Variants in CDH23 observed in about 807,000 individuals in gnomAD.
CDH23 encodes cadherin related 23, also known as cadherin-23.
A neutral mutation model predicts 317.1 loss-of-function variants in CDH23; 189 were observed. The observed-to-expected ratio is 0.60, with a 90% CI of 0.53 to 0.67. CDH23 has a LOEUF of 0.67. Ranked by LOEUF, CDH23 falls within the 30% of genes least tolerant of loss-of-function variation. The pLI, the probability that CDH23 is intolerant of heterozygous loss-of-function variation, is 0.00. For missense variants in CDH23, 4,401 were observed against 4,592.4 expected (o/e 0.96, Z 1.20); for synonymous variants, 1,839 against 1,876.8 (o/e 0.98, Z 0.52).
chr10:71,455,681 G>A (rs986721963), intron 3 of CDH23, among the ~76,000 whole-genome samples: 2 of 152,160 alleles, frequency 1.3e-5, no homozygotes, highest in Admixed American at 1.3e-4. Flanking sequence ...ATTGTAACAG[G>A]TGCTAAGGAA....
At chr10:71,576,556 G>T (rs1411903668) in intron 8 of CDH23, among the ~76,000 whole-genome samples, 1 of 152,182 alleles carries the variant, frequency 6.6e-6, no homozygotes, top group Non-Finnish European at 1.5e-5. Context: ...TGAGTGGAGG[G>T]AAGTGGCCGA....
At chr10:71,716,153 G>A (rs1203647125) in intron 28 of CDH23, 2 of 1,550,534 alleles carry the variant, frequency 1.3e-6, no homozygotes, top group Non-Finnish European at 1.7e-6. Flanking sequence ...GTCCAGCGCG[G>A]CCGGCTTGCA....
rs1172613892 is a variant in CDH23, at chr10:71,728,864, C to T, written c.3580-1605C>T. Among the ~76,000 whole-genome samples, 3 of 152,054 alleles carry T rather than the reference C, an allele frequency of 2.0e-5. No homozygotes were observed. The South Asian group carries it at 6.2e-4, about 32-fold the overall frequency. On this transcript the variant is annotated intron_variant, in intron 30 of 69. Coordinates refer to ENST00000224721, the MANE Select transcript of CDH23 (RefSeq NM_022124.6). ...GATTACAGATGCATGTCACCACCCC[C>T]GGCTAATTTTTTTTAGAGACAGAGT... is the stretch of plus-strand genomic sequence containing the variant.
Position 71,646,507 on chromosome 10 carries a change from A to G in CDH23, c.1339A>G (p.Lys447Glu), listed in dbSNP as rs767345324. The change falls in exon 14 of 70, where the codon AAG becomes GAG. Residue 447 changes from lysine (K) to glutamate (E), a missense_variant. Around this residue, in one of 3 missense-constraint regions of CDH23, gnomAD observed 3,068 missense variants for 3,203.3 expected, o/e 0.96. Coordinates refer to ENST00000224721, the MANE Select transcript of CDH23 (RefSeq NM_022124.6). ...TGACCATGTGGGCTATGCCAAGGTG[A>G]AGATCACTCTCATCAATGAAAATGA... ...VPDHVGYAKVKITLINENDNR... is the reference protein window; with the variant it reads ...VPDHVGYAKVEITLINENDNR... 2 of 1,613,852 alleles carry G rather than the reference A, an allele frequency of 1.2e-6. No individual in the cohort carries two copies. The highest frequency in any genetic ancestry group is 1.7e-6 in the Non-Finnish European group (2 of 1,179,868).
Position 71,765,820 on chromosome 10 carries a change from G to A in CDH23, c.4846-11860G>A, listed in dbSNP as rs185444282. ...TAGGATTCAAGTTTGGGGAGCAGGG[G>A]AGGATGTTCAGTTTTCAAGCAAGAG... On this transcript the variant is annotated intron_variant, in intron 38 of 69. Coordinates refer to ENST00000224721, the MANE Select transcript of CDH23 (RefSeq NM_022124.6). Among the ~76,000 whole-genome samples the A allele has an allele frequency of 7.9e-3, 1,202 of 152,288 alleles. 13 individuals carry two copies. The highest frequency in any genetic ancestry group is 0.013 in the Admixed American group (203 of 15,310).
At chr10:71,782,799 G>A (rs1167230297) in intron 41 of CDH23, among the ~76,000 whole-genome samples, 2 of 152,258 alleles carry the variant, frequency 1.3e-5, no homozygotes, top group African/African-American at 4.8e-5. Flanking sequence ...GTCATGCTCA[G>A]GAAATCCTGC....
intron 9 of CDH23, among the ~76,000 whole-genome samples, chr10:71,607,449 G>C (rs888321115): frequency 6.6e-6 from 1 of 152,242 alleles, no homozygotes; most frequent in Admixed American, 6.5e-5. Context: ...TGTCTCAGGG[G>C]TTTTGTGAGA....
At chr10:71,541,285 C>A (rs773512447) in intron 6 of CDH23, among the ~76,000 whole-genome samples, 1 of 152,194 alleles carries the variant, frequency 6.6e-6, no homozygotes. Context: ...AGCAATTACC[C>A]GCTCTGATTC....
intron 6 of CDH23, among the ~76,000 whole-genome samples, chr10:71,522,989 C>A (rs765125561): frequency 6.6e-6 from 1 of 152,162 alleles, no homozygotes; most frequent in Non-Finnish European, 1.5e-5. Context: ...TCACATCTTA[C>A]GGCTCTTGTC....
intron 38 of CDH23, chr10:71,762,003 C>A: frequency 6.2e-7 from 1 of 1,607,528 alleles, no homozygotes; most frequent in Non-Finnish European, 8.5e-7. Context: ...TACGGCGTGG[C>A]GACCTTGAAG....
rs749678546 is a variant in CDH23 at position 71,777,846 on chromosome 10, C to G, written c.5012C>G (p.Thr1671Ser). Residue 1671 changes from threonine (T) to serine (S), a missense_variant, in exon 39 of 70, where the codon ACC becomes AGC. Thr to Ser is a moderately conservative substitution (Grantham distance 58). Coordinates refer to ENST00000224721, the MANE Select transcript of CDH23 (RefSeq NM_022124.6). The part of the protein sequence containing the change: ...DLDEGPNGTV[T>S]YAIVAGNIVN... The stretch of plus-strand genomic sequence containing the variant: ...GATGAGGGTCCCAACGGCACAGTCA[C>G]CTATGCCATCGTCGCAGGCAACATC... The G allele has an allele frequency of 1.9e-6, 3 of 1,613,940 alleles. No individual in the cohort carries two copies. The South Asian group carries it at 3.3e-5, about 18-fold the overall frequency.
In CDH23 at chr10:71,564,780, A is replaced by G. The variant is rs145190316; in HGVS notation, c.430-1962A>G. ...GTTTCCTGTTGTTGTTGTTGTTGTT[A>G]AATATTTGGTAGAATTCACCAGTGA... On this transcript the variant is annotated intron_variant, in intron 6 of 69. Transcript: ENST00000224721. Among the ~76,000 whole-genome samples, 422 of 152,246 alleles carry G rather than the reference A, an allele frequency of 2.8e-3. 4 individuals are homozygous for G. Among genetic ancestry groups the G allele is most frequent in the African/African-American group, 9.7e-3 (404 of 41,532 alleles).
intron 2 of CDH23, among the ~76,000 whole-genome samples, chr10:71,442,747 G>T (rs992236782): frequency 6.6e-6 from 1 of 152,148 alleles, no homozygotes; most frequent in Non-Finnish European, 1.5e-5. Context: ...TCTGTCCCCA[G>T]TTGCTGGGTG....
intron 38 of CDH23, among the ~76,000 whole-genome samples, chr10:71,762,374 C>G (rs990889941): frequency 6.6e-6 from 1 of 152,216 alleles, no homozygotes; most frequent in Non-Finnish European, 1.5e-5. Flanking sequence ...AAGGCTGTTT[C>G]GAACAGCAGC....
chr10:71,730,639 G>T (rs754891358), intron 31 of CDH23, 35 bp downstream of exon 31: 26 of 1,611,914 alleles, frequency 1.6e-5, no homozygotes, highest in Non-Finnish European at 2.2e-5. Flanking sequence ...GGATCCCATT[G>T]CTCAGAGCAA....
intron 38 of CDH23, chr10:71,760,725 A>T: frequency 1.3e-6 from 1 of 742,556 alleles, no homozygotes. Context: ...AGCAGAAGGG[A>T]TGTGCAGCAG....
intron 3 of CDH23, among the ~76,000 whole-genome samples, chr10:71,467,743 A>T (rs1851321715): frequency 6.6e-6 from 1 of 152,212 alleles, no homozygotes; most frequent in Non-Finnish European, 1.5e-5. Context: ...TAGTGCGTGT[A>T]AAAAGCTTAG....
intron 9 of CDH23, among the ~76,000 whole-genome samples, chr10:71,586,243 A>T (rs1859055733): frequency 6.6e-6 from 1 of 152,122 alleles, no homozygotes; most frequent in African/African-American, 2.4e-5. Context: ...TCTGGTTACC[A>T]CATGTCAACA....
At chr10:71,805,746 G>A in intron 55 of CDH23, 60 bp from the exon 56 acceptor site, 4 of 1,506,208 alleles carry the variant, frequency 2.7e-6, no homozygotes, top group Non-Finnish European at 3.6e-6. Context: ...GCTCCCTCAG[G>A]ACCTAGGAGC....
Sources: gnomAD v4.1 joint callset for allele counts (sites outside exome capture counted in the v4.1 genomes callset) on GRCh38, gnomAD v4.1.1 for gene constraint, gnomAD v4.1.1 regional missense constraint, MANE v1.5 for transcripts, NCBI Gene and HGNC (gene_info 2026-07-23, HGNC 2026-07-21) for gene names.